The following CUX1 variants were observed in gnomAD, a reference collection of about 807,000 sequenced individuals.
CUX1 encodes protein CASP.
A neutral mutation model predicts 158.8 loss-of-function variants in CUX1; 31 were observed. The ratio of observed to expected loss-of-function variants is 0.20; its 90% CI spans 0.15 to 0.26. The LOEUF (loss-of-function observed/expected upper bound fraction) is 0.26. Among genes scored for constraint, CUX1 ranks in the 10% least tolerant of loss-of-function variants. The probability of loss-of-function intolerance (pLI) is 1.00; values close to 1 mark genes in which losing one functional copy is unlikely to be tolerated. For synonymous variants in CUX1, 879 were observed against 862.1 expected, an observed-to-expected ratio of 1.02 and a Z score of -0.34; for missense variants, 1,589 against 2,014.6, an observed-to-expected ratio of 0.79 and a Z score of 4.04.
intron 20 of CUX1, among the ~76,000 whole-genome samples, chr7:102,227,044 G>T (rs1798408031): frequency 6.6e-6 from 1 of 152,110 alleles, no homozygotes; most frequent in African/African-American, 2.4e-5. Context: ...CCAAATTATG[G>T]GGTTTCATTA....
chr7:102,102,833 G>A (rs1031683884), intron 5 of CUX1, among the ~76,000 whole-genome samples: 1 of 152,138 alleles, frequency 6.6e-6, no homozygotes, highest in Non-Finnish European at 1.5e-5. Flanking sequence ...TCCAGCATGC[G>A]GAGTGGCATA....
At chr7:102,203,122 A>G (rs1455093305) in intron 18 of CUX1, among the ~76,000 whole-genome samples, 1 of 151,928 alleles carries the variant, frequency 6.6e-6, no homozygotes, top group Non-Finnish European at 1.5e-5. Context: ...GCCCACCACC[A>G]CACCCAGCTA....
intron 3 of CUX1, among the ~76,000 whole-genome samples, chr7:102,046,665 C>T (rs577661346): frequency 6.7e-6 from 1 of 148,660 alleles, no homozygotes; most frequent in East Asian, 2.0e-4. Flanking sequence ...CAGCCTGGAC[C>T]TCCTGGGCTC....
chr7:102,252,141 G>A lies in CUX1; in HGVS notation c.*3099G>A, dbSNP rs143866673. ...TATTTATTTTTTTAAAAAAAATAGA[G>A]ATCCTAACCTTAGATCTTTGATGTG... On this transcript the variant is annotated 3_prime_UTR_variant, in exon 24 of 24. Coordinates refer to ENST00000292535, the MANE Select transcript of CUX1 (RefSeq NM_181552.4). 1.0e-6 allele frequency: 1 copy of A among 984,826 alleles called. No homozygotes were observed. Among genetic ancestry groups the A allele is most frequent in the East Asian group, 1.1e-4 (1 of 8,802 alleles). 61.0% of individuals were successfully genotyped at this position (984,826 alleles called of 1,614,324 possible).
Position 102,257,398 on chromosome 7 carries a change from G to C in CUX1, c.*8356G>C. On this transcript the variant is annotated 3_prime_UTR_variant, in exon 24 of 24. Transcript: ENST00000292535. ...TCCCTTGAGAAAACGGGCATCTCAC[G>C]TACCCCCATCTGAGACCTCTTGGAA... 1.0e-6 allele frequency: 1 copy of C among 983,076 alleles called. No homozygotes were observed. Among genetic ancestry groups the C allele is most frequent in the Non-Finnish European group, 1.2e-6 (1 of 829,606 alleles). 60.9% of individuals were successfully genotyped at this position (983,076 alleles called of 1,614,324 possible).
intron 2 of CUX1, among the ~76,000 whole-genome samples, chr7:101,973,808 G>A (rs1445343351): frequency 7.0e-6 from 1 of 143,388 alleles, no homozygotes; most frequent in Non-Finnish European, 1.5e-5. Flanking sequence ...TCACACTGTC[G>A]CCTGGGCTGG....
intron 20 of CUX1, among the ~76,000 whole-genome samples, chr7:102,221,555 A>C (rs1430091228): frequency 6.6e-6 from 1 of 151,134 alleles, no homozygotes; most frequent in Non-Finnish European, 1.5e-5. Context: ...GCGGGTTTTC[A>C]ATTGGCTCCC....
chr7:102,230,330 A>ATTT (rs1798828621), intron 21 of CUX1, among the ~76,000 whole-genome samples: 1 of 151,534 alleles, frequency 6.6e-6, no homozygotes, highest in African/African-American at 2.4e-5. Context: ...AAATTTTTTA[A>ATTT]AAATTATTAT....
chr7:102,167,905 C>G (rs1791228937), intron 9 of CUX1, among the ~76,000 whole-genome samples: 1 of 151,940 alleles, frequency 6.6e-6, no homozygotes, highest in Admixed American at 6.6e-5. Flanking sequence ...TGGCAAAACC[C>G]CGTCTCTACA....
intron 6 of CUX1, among the ~76,000 whole-genome samples, chr7:102,108,770 G>GTGTGTGTT (rs1337904775): frequency 7.0e-6 from 1 of 143,712 alleles, no homozygotes; most frequent in Admixed American, 7.0e-5. Context: ...GTGTGTGTGT[G>GTGTGTGTT]TTTTGAGACA....
At chr7:102,222,885 T>C (rs943876334) in intron 20 of CUX1, among the ~76,000 whole-genome samples, 3 of 137,426 alleles carry the variant, frequency 2.2e-5, no homozygotes, top group Non-Finnish European at 3.1e-5. Flanking sequence ...AATGACACGA[T>C]GTCAGCTCAC....
At chr7:101,857,629 G>A (rs1032353150) in intron 1 of CUX1, among the ~76,000 whole-genome samples, 3 of 152,214 alleles carry the variant, frequency 2.0e-5, no homozygotes, top group African/African-American at 4.8e-5. Context: ...AGGGAAAGAC[G>A]GAGCTTGTCT....
chr7:102,060,608 A>ACACACACACACACAC lies in CUX1; in HGVS notation c.190-9731_190-9730insCACACACACACACAC, dbSNP rs1824723298. 2.6e-4 allele frequency among the ~76,000 whole-genome samples: 34 copies of ACACACACACACACAC among 133,302 alleles called. No individual in the cohort carries two copies. The East Asian group carries it at 6.9e-3, about 27-fold the overall frequency. 87.5% of individuals were successfully genotyped at this position (133,302 alleles called of 152,430 possible). On this transcript the variant is annotated intron_variant, in intron 3 of 23. Transcript: ENST00000292535. ...ATATATATATACACACACACAAATAAACACACACACACACACACACACACA... is the reference window on the plus strand; with the variant it reads ...ATATATATATACACACACACAAATAACACACACACACACACACACACACACACACACACACACACA...
intron 11 of CUX1, among the ~76,000 whole-genome samples, chr7:102,186,591 A>ATT (rs1412213512): frequency 7.0e-5 from 6 of 86,292 alleles, no homozygotes; most frequent in Non-Finnish European, 1.3e-4. Flanking sequence ...ATATATATAT[A>ATT]TATATTTTTT....
intron 1 of CUX1, among the ~76,000 whole-genome samples, chr7:101,826,153 C>G (rs1332018352): frequency 6.6e-6 from 1 of 152,050 alleles, no homozygotes; most frequent in Non-Finnish European, 1.5e-5. Context: ...CCTCCTCCTC[C>G]CTCTGTACAT....
chr7:101,916,348 T>G lies in CUX1; in HGVS notation c.141+123T>G. ...ACGCACGGCCGGCAAACAACCCGTT[T>G]CTTTCCCCAGATGTCTTCAGCCCCA... On this transcript the variant is annotated intron_variant, in intron 2 of 23. Transcript: ENST00000292535. This position sits in a 1 kb window ranked among gnomAD's most constrained non-coding sequence, Gnocchi z 4.4. 1.5e-6 allele frequency: 1 copy of G among 654,064 alleles called. No homozygotes were observed. Among genetic ancestry groups the G allele is most frequent in the Non-Finnish European group, 2.8e-6 (1 of 354,106 alleles). The allele number at this position is 654,064 out of a possible 1,614,324, so 40.5% of individuals were successfully genotyped here. A position where few individuals can be genotyped will look rare whatever the true frequency, so the allele number is the denominator to read the frequency against.
chr7:101,874,373 AT>A (rs962458198), intron 1 of CUX1, among the ~76,000 whole-genome samples: 5 of 152,290 alleles, frequency 3.3e-5, no homozygotes, highest in African/African-American at 9.6e-5. Flanking sequence ...TATTAACTCC[AT>A]TTTACTTAAA....
intron 20 of CUX1, among the ~76,000 whole-genome samples, chr7:102,214,808 C>T (rs1416973443): frequency 1.3e-5 from 2 of 152,226 alleles, no homozygotes; most frequent in African/African-American, 2.4e-5. Flanking sequence ...ATCGGGGCCT[C>T]CTCTAGATTT....
chr7:101,952,738 G>A (rs940546586), intron 2 of CUX1, among the ~76,000 whole-genome samples: 4 of 152,118 alleles, frequency 2.6e-5, no homozygotes, highest in African/African-American at 9.7e-5. Context: ...CCCCCACTGC[G>A]CCATGCTGGT....
Sources: allele counts gnomAD v4.1 joint callset (sites outside exome capture counted in the v4.1 genomes callset), GRCh38; gene constraint gnomAD v4.1.1; non-coding constraint Gnocchi (gnomAD v3.1); transcripts MANE v1.5; gene names NCBI Gene and HGNC (gene_info 2026-07-23, HGNC 2026-07-21).